Variants in FUT8 observed in about 807,000 individuals in gnomAD.
FUT8 encodes alpha-(1,6)-fucosyltransferase.
Under a neutral mutation model 71.3 loss-of-function variants are expected in FUT8, and 29 were observed. That is an observed-to-expected ratio of 0.41 (90% CI 0.30 to 0.55). The LOEUF (loss-of-function observed/expected upper bound fraction) is 0.55. Among genes scored for constraint, FUT8 ranks in the 20% least tolerant of loss-of-function variants. FUT8 has a pLI of 0.34. For missense variants in FUT8, 544 were observed against 702.1 expected (o/e 0.77, Z 2.55); for synonymous variants, 254 against 239.3 (o/e 1.06, Z -0.57).
intron 2 of FUT8, among the ~76,000 whole-genome samples, chr14:65,495,533 A>G (rs1432538888): frequency 2.0e-5 from 3 of 152,138 alleles, no homozygotes; most frequent in Non-Finnish European, 2.9e-5. Context: ...TCTGTGTATC[A>G]TATTTTATTT....
intron 3 of FUT8, among the ~76,000 whole-genome samples, chr14:65,573,153 A>G (rs923719875): frequency 3.3e-5 from 5 of 152,116 alleles, no homozygotes; most frequent in Non-Finnish European, 7.3e-5. Flanking sequence ...ATTCTTATTT[A>G]TAGTATCAGC....
chr14:65,410,847 C>T (rs772840083), upstream of FUT8: 2 of 151,700 alleles, frequency 1.3e-5, no homozygotes, highest in Non-Finnish European at 2.9e-5. Context: ...CTGACAGGCA[C>T]GATGTGGCAC....
intron 2 of FUT8, among the ~76,000 whole-genome samples, chr14:65,506,339 A>G (rs890390088): frequency 3.3e-5 from 5 of 152,248 alleles, no homozygotes; most frequent in Admixed American, 6.5e-5. Flanking sequence ...ATTTCTTGCT[A>G]TAAAAAAAGA....
the FUT8 span, among the ~76,000 whole-genome samples, chr14:65,374,482 G>T: frequency 6.6e-6 from 1 of 152,216 alleles, no homozygotes; most frequent in South Asian, 2.1e-4. Flanking sequence ...ACTGATATGA[G>T]TTCTTTGGCT....
chr14:65,539,780 G>A (rs957194859), intron 2 of FUT8, among the ~76,000 whole-genome samples: 2 of 152,072 alleles, frequency 1.3e-5, no homozygotes, highest in Non-Finnish European at 2.9e-5. Flanking sequence ...GTATAAAATG[G>A]GGTTGTGATA....
At chr14:65,598,745 A>G (rs1009492444) in intron 3 of FUT8, among the ~76,000 whole-genome samples, 1 of 152,182 alleles carries the variant, frequency 6.6e-6, no homozygotes, top group East Asian at 1.9e-4. Flanking sequence ...GATATATTTT[A>G]TTTAGAAGTT....
chr14:65,578,743 A>G (rs1886922625), intron 3 of FUT8, among the ~76,000 whole-genome samples: 1 of 152,126 alleles, frequency 6.6e-6, no homozygotes, highest in Non-Finnish European at 1.5e-5. Context: ...TCTGAAGGAG[A>G]ACAAATATAA....
chr14:65,681,776 G>C (rs1013575905), intron 7 of FUT8, among the ~76,000 whole-genome samples: 1 of 152,080 alleles, frequency 6.6e-6, no homozygotes, highest in African/African-American at 2.4e-5. Flanking sequence ...ACTGTGCTAA[G>C]AACATCACAT....
intron 7 of FUT8, among the ~76,000 whole-genome samples, chr14:65,711,622 A>G (rs368509984): frequency 3.9e-5 from 6 of 152,306 alleles, no homozygotes. Flanking sequence ...AGACTATTAC[A>G]GCTTAATTTA....
chr14:65,468,735 A>T (rs2066087387), intron 2 of FUT8, among the ~76,000 whole-genome samples: 1 of 151,912 alleles, frequency 6.6e-6, no homozygotes, highest in Non-Finnish European at 1.5e-5. Context: ...TTCCTGTTAC[A>T]GTGTTATTGA....
At chr14:65,436,852 T>C (rs2065569602) in intron 1 of FUT8, among the ~76,000 whole-genome samples, 1 of 152,200 alleles carries the variant, frequency 6.6e-6, no homozygotes, top group Non-Finnish European at 1.5e-5. Flanking sequence ...TTAGGTTCCA[T>C]GGAAAATTTG....
chr14:65,613,722 T>C (rs1889127840), intron 3 of FUT8, among the ~76,000 whole-genome samples: 1 of 152,208 alleles, frequency 6.6e-6, no homozygotes. Context: ...TGTTCTGAAG[T>C]AGTGTAGGTA....
intron 6 of FUT8, among the ~76,000 whole-genome samples, chr14:65,657,708 G>T (rs753803958): frequency 1.3e-5 from 2 of 152,024 alleles, no homozygotes; most frequent in Non-Finnish European, 2.9e-5. Context: ...GTAAGGGGAC[G>T]TGGTTAATGG....
chr14:65,625,634 A>G (rs1336735043), intron 5 of FUT8, among the ~76,000 whole-genome samples: 1 of 152,244 alleles, frequency 6.6e-6, no homozygotes, highest in African/African-American at 2.4e-5. Flanking sequence ...GATAAGCTGC[A>G]AAGTGTCCTG....
At position 65,652,424 on chromosome 14, in the gene FUT8, G is replaced by A. The variant is rs1891454859; in HGVS notation, c.598-16819G>A. On this transcript the variant is annotated intron_variant, in intron 6 of 10. Transcript: ENST00000673929. This position sits in a 1 kb window ranked among gnomAD's most constrained non-coding sequence, Gnocchi z 4.0. The stretch of plus-strand genomic sequence containing the variant: ...AGCACATAAGAAAAAAACTTTTAGT[G>A]TACTTCTTCTTCTGGCCTTTGGATA... 6.6e-6 allele frequency among the ~76,000 whole-genome samples: 1 copy of A among 152,300 alleles called. No homozygotes were observed. The highest frequency in any genetic ancestry group is 1.9e-4 in the East Asian group (1 of 5,178).
chr14:65,481,151 A>G (rs2066324932), intron 2 of FUT8, among the ~76,000 whole-genome samples: 1 of 151,944 alleles, frequency 6.6e-6, no homozygotes. Flanking sequence ...CATCATCTTA[A>G]TGGGTGTGAA....
At chr14:65,726,332 T>G (rs1000794284) in intron 9 of FUT8, among the ~76,000 whole-genome samples, 5 of 152,234 alleles carry the variant, frequency 3.3e-5, no homozygotes, top group African/African-American at 2.4e-5. Flanking sequence ...AATACCCTAT[T>G]AGTTCATTTT....
intron 7 of FUT8, among the ~76,000 whole-genome samples, chr14:65,692,947 A>G (rs1893762447): frequency 7.3e-6 from 1 of 137,876 alleles, no homozygotes; most frequent in African/African-American, 2.8e-5. Context: ...CCTAGATGGG[A>G]TGGTGGCCGG....
intron 1 of FUT8, among the ~76,000 whole-genome samples, chr14:65,421,412 T>A (rs1261069324): frequency 6.6e-6 from 1 of 152,118 alleles, no homozygotes; most frequent in Non-Finnish European, 1.5e-5. Context: ...GGTGTAACTT[T>A]ATGGCAATAC....
Sources: gnomAD v4.1 joint callset for allele counts (sites outside exome capture counted in the v4.1 genomes callset) on GRCh38, gnomAD v4.1.1 for gene constraint, Gnocchi (gnomAD v3.1) non-coding constraint, MANE v1.5 for transcripts, NCBI Gene and HGNC (gene_info 2026-07-23, HGNC 2026-07-21) for gene names.